Variants in CTNND2 observed in about 807,000 individuals in gnomAD.
CTNND2 encodes the protein catenin delta-2.
In CTNND2, 22 loss-of-function variants were observed where a neutral mutation model predicts 144.4. The ratio of observed to expected loss-of-function variants is 0.15; its 90% CI spans 0.11 to 0.22. CTNND2 has a LOEUF of 0.22. Among genes scored for constraint, CTNND2 ranks in the 10% least tolerant of loss-of-function variants. The probability of loss-of-function intolerance (pLI) is 1.00; values close to 1 mark genes in which losing one functional copy is unlikely to be tolerated. For synonymous variants in CTNND2, 751 were observed against 695.6 expected (o/e 1.08, Z -1.25); for missense variants, 1,353 against 1,618.8 (o/e 0.84, Z 2.82).
chr5:11,559,896 A>G (rs1336658027), intron 3 of CTNND2, among the ~76,000 whole-genome samples: 1 of 152,162 alleles, frequency 6.6e-6, no homozygotes, highest in Non-Finnish European at 1.5e-5. Flanking sequence ...CCCTGAGACT[A>G]CCAGTGACCT....
intron 2 of CTNND2, among the ~76,000 whole-genome samples, chr5:11,688,450 A>T (rs1206548987): frequency 6.6e-6 from 1 of 152,224 alleles, no homozygotes; most frequent in East Asian, 1.9e-4. Context: ...AGTGATGGGA[A>T]ATAAGCATAT....
intron 20 of CTNND2, 97 bp from the exon 21 acceptor site, chr5:10,981,943 G>C: frequency 2.0e-6 from 2 of 981,234 alleles, no homozygotes; most frequent in Non-Finnish European, 3.2e-6. Flanking sequence ...AACAAAGCTT[G>C]TTTTCTTGGG....
chr5:11,767,727 C>T (rs545576836), intron 1 of CTNND2, among the ~76,000 whole-genome samples: 2 of 152,184 alleles, frequency 1.3e-5, no homozygotes, highest in South Asian at 4.2e-4. Flanking sequence ...CACTGATGAC[C>T]ACTTTGAAGA....
chr5:11,379,564 T>TAA (rs139533514), intron 7 of CTNND2, among the ~76,000 whole-genome samples: 1 of 151,326 alleles, frequency 6.6e-6, no homozygotes, highest in East Asian at 1.9e-4. Flanking sequence ...CTTAATTTAT[T>TAA]AAAAAAAAAC....
chr5:11,529,819 C>T (rs1465789497), intron 3 of CTNND2, among the ~76,000 whole-genome samples: 1 of 151,944 alleles, frequency 6.6e-6, no homozygotes, highest in East Asian at 1.9e-4. Context: ...GAGATCTTGC[C>T]TTGGTTTATT....
At chr5:11,331,111 T>C (rs1753101765) in intron 9 of CTNND2, among the ~76,000 whole-genome samples, 1 of 152,254 alleles carries the variant, frequency 6.6e-6, no homozygotes, top group Non-Finnish European at 1.5e-5. Context: ...GCACTTTTAC[T>C]GCAGCATAGA....
chr5:11,746,189 CTG>C (rs965522453), intron 1 of CTNND2, among the ~76,000 whole-genome samples: 7 of 152,186 alleles, frequency 4.6e-5, no homozygotes, highest in South Asian at 2.1e-4. Flanking sequence ...TCTTAATAAA[CTG>C]TGTTGTGAAC....
chr5:10,978,118 G>A (rs1197156059), intron 21 of CTNND2, among the ~76,000 whole-genome samples: 1 of 152,200 alleles, frequency 6.6e-6, no homozygotes, highest in African/African-American at 2.4e-5. Flanking sequence ...AAGCTTCGAT[G>A]CTGAAACTGA....
chr5:11,647,941 C>T (rs898630994), intron 2 of CTNND2, among the ~76,000 whole-genome samples: 11 of 152,136 alleles, frequency 7.2e-5, no homozygotes, highest in African/African-American at 1.9e-4. Flanking sequence ...GACAGAGTCA[C>T]GGACAGACAT....
chr5:11,243,456 C>G (rs2149914739), intron 9 of CTNND2, among the ~76,000 whole-genome samples: 1 of 152,284 alleles, frequency 6.6e-6, no homozygotes. Flanking sequence ...GGCTGGCACC[C>G]AGCATGGGCT....
At chr5:11,652,661 G>T (rs1481237798) in intron 2 of CTNND2, among the ~76,000 whole-genome samples, 1 of 152,124 alleles carries the variant, frequency 6.6e-6, no homozygotes, top group African/African-American at 2.4e-5. Context: ...CTGATACACA[G>T]ACATTGTGAA....
chr5:11,489,683 C>A (rs1193074436), intron 3 of CTNND2, among the ~76,000 whole-genome samples: 1 of 152,188 alleles, frequency 6.6e-6, no homozygotes, highest in Non-Finnish European at 1.5e-5. Context: ...TGGCACACAG[C>A]TGCCCACATA....
Position 10,988,130 on chromosome 5 carries a change from G to C in CTNND2, c.3324C>G (p.Ser1108=). 6.2e-7 allele frequency: 1 copy of C among 1,614,194 alleles called. No individual in the cohort carries two copies. The change falls in exon 20 of 22, where the codon TCC becomes TCG. Residue 1108 remains serine, a synonymous_variant. Coordinates refer to ENST00000304623, the MANE Select transcript of CTNND2 (RefSeq NM_001332.4). This position sits in a 1 kb window ranked among gnomAD's most constrained non-coding sequence, Gnocchi z 5.9. ...TYHGAKGEHT[S]RKDAMTAQNT... The stretch of plus-strand genomic sequence containing the variant: ...GCTCACCTGTCATGGCATCTTTCCT[G>C]GAAGTGTGTTCGCCTTTAGCTCCGT...
chr5:11,537,172 G>A (rs949429747), intron 3 of CTNND2, among the ~76,000 whole-genome samples: 5 of 151,962 alleles, frequency 3.3e-5, no homozygotes, highest in African/African-American at 9.7e-5. Context: ...TTATAGATAC[G>A]AATTCCTAGT....
At chr5:11,145,322 C>T (rs1455349355) in intron 12 of CTNND2, among the ~76,000 whole-genome samples, 1 of 137,084 alleles carries the variant, frequency 7.3e-6, no homozygotes, top group Non-Finnish European at 1.7e-5. Context: ...TGGCCCTGCA[C>T]AGCTCAGCCT....
rs374509058 is a variant in CTNND2, at chr5:11,357,249, T to TTTA, written c.1372+7444_1372+7446dup. Among the ~76,000 whole-genome samples, 464 of 152,254 alleles carry TTTA rather than the reference T, an allele frequency of 3.0e-3. 3 individuals are homozygous for TTTA. Among genetic ancestry groups the TTTA allele is most frequent in the African/African-American group, 0.011 (443 of 41,566 alleles). On this transcript the variant is annotated intron_variant, in intron 8 of 21. Transcript: ENST00000304623. ...CACTCACATGTTTATTGTAGCACTA[T>TTTA]TTACAATAACCAAGATAGGGAATCA...
chr5:11,429,461 AG>A (rs1763084032), intron 3 of CTNND2, among the ~76,000 whole-genome samples: 1 of 152,200 alleles, frequency 6.6e-6, no homozygotes, highest in South Asian at 2.1e-4. Context: ...GGGGCAGAGC[AG>A]GACCCGGAGT....
At chr5:11,638,993 A>C (rs1781854349) in intron 2 of CTNND2, among the ~76,000 whole-genome samples, 1 of 152,216 alleles carries the variant, frequency 6.6e-6, no homozygotes, top group Non-Finnish European at 1.5e-5. Context: ...CAGAACTGAG[A>C]AGGAACACTT....
chr5:11,282,394 A>G (rs555641061), intron 9 of CTNND2, among the ~76,000 whole-genome samples: 1 of 152,302 alleles, frequency 6.6e-6, no homozygotes, highest in African/African-American at 2.4e-5. Flanking sequence ...TCTCTCTCCT[A>G]GCATGCAGCA....
Sources: gnomAD v4.1 joint callset for allele counts (sites outside exome capture counted in the v4.1 genomes callset) on GRCh38, gnomAD v4.1.1 for gene constraint, Gnocchi (gnomAD v3.1) non-coding constraint, MANE v1.5 for transcripts, NCBI Gene and HGNC (gene_info 2026-07-23, HGNC 2026-07-21) for gene names.